Variants in TYW5 observed in about 807,000 individuals in gnomAD.
TYW5 encodes the protein tRNA wybutosine-synthesizing protein 5.
Under a neutral mutation model 44.4 loss-of-function variants are expected in TYW5, and 36 were observed. That is an observed-to-expected ratio of 0.81 (90% CI 0.62 to 1.07). The LOEUF (loss-of-function observed/expected upper bound fraction) is 1.07. Ranked by LOEUF, TYW5 falls within the 50% of genes least tolerant of loss-of-function variation. The pLI, the probability that TYW5 is intolerant of heterozygous loss-of-function variation, is 0.00. For missense variants in TYW5, 354 were observed against 365.7 expected, an observed-to-expected ratio of 0.97 and a Z score of 0.26; for synonymous variants, 121 against 128.1, an observed-to-expected ratio of 0.94 and a Z score of 0.37.
chr2:199,955,343 A>T, intron 1 of TYW5, 50 bp downstream of exon 1: 3 of 1,594,706 alleles, frequency 1.9e-6, no homozygotes, highest in Non-Finnish European at 2.6e-6. Context: ...AAAGGTAAAG[A>T]CGTGTCTCTC....
chr2:199,943,885 GTAAGAA>G (rs1288009938), intron 2 of TYW5, 51 bp from the exon 3 acceptor site: 1 of 1,387,478 alleles, frequency 7.2e-7, no homozygotes, highest in South Asian at 1.3e-5. Flanking sequence ...AGATCAACTA[GTAAGAA>G]TCTAATCACT....
At chr2:199,953,576 T>G (rs2077564871) in intron 1 of TYW5, among the ~76,000 whole-genome samples, 1 of 152,206 alleles carries the variant, frequency 6.6e-6, no homozygotes, top group Admixed American at 6.5e-5. Context: ...ACACTAAATT[T>G]CCATAGGAAT....
At chr2:199,933,934 G>A (rs1375605252) in intron 7 of TYW5, among the ~76,000 whole-genome samples, 2 of 152,074 alleles carry the variant, frequency 1.3e-5, no homozygotes, top group Non-Finnish European at 2.9e-5. Context: ...TGGAAATGAT[G>A]AGTAAACTTT....
rs769225435 is a variant in TYW5 at position 199,943,775 on chromosome 2, A to T, written c.293T>A (p.Phe98Tyr). 6.2e-7 allele frequency: 1 copy of T among 1,609,732 alleles called. No individual in the cohort carries two copies. Among genetic ancestry groups the T allele is most frequent in the Non-Finnish European group, 8.5e-7 (1 of 1,179,030 alleles). The change falls in exon 3 of 8, where the codon TTT (phenylalanine) becomes TAT (tyrosine). Residue 98 changes from phenylalanine (F) to tyrosine (Y), a missense_variant. Coordinates refer to ENST00000354611, the MANE Select transcript of TYW5 (RefSeq NM_001039693.3). ...RAAEEKHKEF[F>Y]VSEDEKYYLR... The stretch of plus-strand genomic sequence containing the variant: ...GTTAAAAGCAATTACCTCTGAAACA[A>T]AGAATTCTTTATGTTTCTCTTCAGC...
intron 2 of TYW5, chr2:199,947,188 C>G (rs2077509871): frequency 6.6e-6 from 1 of 152,178 alleles, no homozygotes; most frequent in Admixed American, 6.5e-5. Flanking sequence ...ACTTGGAAAA[C>G]TCTAATGAGA....
In TYW5 at chr2:199,933,031, C is replaced by T. The variant is rs776119813; in HGVS notation, c.*36G>A. 2 of 1,601,222 alleles carry T rather than the reference C, an allele frequency of 1.2e-6. No homozygotes were observed. The highest frequency in any genetic ancestry group is 1.1e-5 in the South Asian group (1 of 88,756). On this transcript the variant is annotated 3_prime_UTR_variant, in exon 8 of 8. Transcript: ENST00000354611. ...CTTTAATTTATATCGTTATACCTTA[C>T]TAAAGTGTTAATGTGCATTGCATTC... is the stretch of plus-strand genomic sequence containing the variant.
At chr2:199,935,872 G>A in intron 7 of TYW5, 59 bp downstream of exon 7, 1 of 1,080,936 alleles carries the variant, frequency 9.3e-7, no homozygotes, top group Non-Finnish European at 1.4e-6. Flanking sequence ...TCACATGAAG[G>A]ATGAGTGACA....
chr2:199,929,199 AG>A lies in TYW5; in HGVS notation c.*3867del, dbSNP rs1438110064. 1.8e-5 allele frequency among the ~76,000 whole-genome samples: 2 copies of A among 109,488 alleles called. No individual in the cohort carries two copies. Among genetic ancestry groups the A allele is most frequent in the Non-Finnish European group, 4.2e-5 (2 of 47,226 alleles). The allele number at this position is 109,488 out of a possible 152,430, so 71.8% of individuals were successfully genotyped here. ...AGAGACTACATCGTGGGGTTGGGGG[AG>A]GGGGAAGGGATAGCATTAGGAGATA... On this transcript the variant is annotated 3_prime_UTR_variant, in exon 8 of 8. Transcript: ENST00000354611.
chr2:199,949,638 T>A (rs2077529769), intron 1 of TYW5, among the ~76,000 whole-genome samples: 1 of 152,192 alleles, frequency 6.6e-6, no homozygotes, highest in South Asian at 2.1e-4. Context: ...GGGTTTATCT[T>A]AAGTTTCTTC....
At chr2:199,952,228 C>A (rs2077551304) in intron 1 of TYW5, among the ~76,000 whole-genome samples, 1 of 152,092 alleles carries the variant, frequency 6.6e-6, no homozygotes. Context: ...GGAGGTATAT[C>A]TCCAGAATAA....
intron 1 of TYW5, among the ~76,000 whole-genome samples, chr2:199,950,467 GAAAA>G (rs1456168549): frequency 6.6e-6 from 1 of 151,814 alleles, no homozygotes; most frequent in Non-Finnish European, 1.5e-5. Context: ...ACACAGATGA[GAAAA>G]AAAATCAATT....
intron 2 of TYW5, chr2:199,947,861 G>A (rs1404456361): frequency 1.2e-5 from 2 of 162,036 alleles, no homozygotes; most frequent in Non-Finnish European, 2.7e-5. Context: ...GGAGGCTGAG[G>A]CAGGTGGATG....
intron 1 of TYW5, among the ~76,000 whole-genome samples, chr2:199,953,477 C>T (rs1287024811): frequency 6.6e-6 from 1 of 152,196 alleles, no homozygotes; most frequent in Non-Finnish European, 1.5e-5. Context: ...GTCAATTGTG[C>T]TGTGAACCTA....
In TYW5 at chr2:199,931,003, TA is replaced by T. The variant is rs1446398946; in HGVS notation, c.*2063del. ...TCTTAACCCAGTAGGAAGAAAAGAT[TA>T]AAATATTTTGTATTTGAAATAAACA... On this transcript the variant is annotated 3_prime_UTR_variant, in exon 8 of 8. Coordinates refer to ENST00000354611, the MANE Select transcript of TYW5 (RefSeq NM_001039693.3). 6.6e-6 allele frequency: 1 copy of T among 152,204 alleles called. No homozygotes were observed. Among genetic ancestry groups the T allele is most frequent in the Non-Finnish European group, 1.5e-5 (1 of 68,036 alleles). 9.4% of individuals were successfully genotyped at this position (152,204 alleles called of 1,614,324 possible). A position where few individuals can be genotyped will look rare whatever the true frequency, so the allele number is the denominator to read the frequency against.
rs748960511 is a variant in TYW5 at position 199,948,414 on chromosome 2, A to G, written c.137T>C (p.Val46Ala). 6.2e-7 allele frequency: 1 copy of G among 1,614,190 alleles called. No individual in the cohort carries two copies. Among genetic ancestry groups the G allele is most frequent in the Non-Finnish European group, 8.5e-7 (1 of 1,180,012 alleles). ...DLGPCTSKWT[V>A]DYLSQVGGKK... ...CCCTCCAACTTGGCTTAGGTAATCC[A>G]CTGTCCATTTGCTTGTACATGGCCC... The change falls in exon 2 of 8, where the codon GTG becomes GCG. Residue 46 changes from valine (V) to alanine (A), a missense_variant. Transcript: ENST00000354611.
In TYW5 at chr2:199,930,702, C is replaced by T. The variant is rs1428536105; in HGVS notation, c.*2365G>A. On this transcript the variant is annotated 3_prime_UTR_variant, in exon 8 of 8. Coordinates refer to ENST00000354611, the MANE Select transcript of TYW5 (RefSeq NM_001039693.3). Reference sequence around the variant, plus strand: ...AATTCCTTTTTGCATCAGGTCAAGCCCCCAAACTAGCCAAAGAAAAGCTGT... The same window carrying T: ...AATTCCTTTTTGCATCAGGTCAAGCTCCCAAACTAGCCAAAGAAAAGCTGT... 2 of 152,102 alleles carry T rather than the reference C, an allele frequency of 1.3e-5. No homozygotes were observed. Among genetic ancestry groups the T allele is most frequent in the Non-Finnish European group, 2.9e-5 (2 of 68,038 alleles). The allele number at this position is 152,102 out of a possible 1,614,324, so 9.4% of individuals were successfully genotyped here. A position where few individuals can be genotyped will look rare whatever the true frequency, so the allele number is the denominator to read the frequency against.
rs2077516819 is a variant in TYW5 at position 199,948,129 on chromosome 2, A to G, written c.233+189T>C. On this transcript the variant is annotated intron_variant, in intron 2 of 7. Coordinates refer to ENST00000354611, the MANE Select transcript of TYW5 (RefSeq NM_001039693.3). The stretch of plus-strand genomic sequence containing the variant: ...AAATAAAATAAAAAATTGTCACTGT[A>G]TAATTATGTAAACTCAGAACTCTTG... 1.4e-5 allele frequency: 8 copies of G among 588,494 alleles called. No homozygotes were observed. The Admixed American group carries it at 1.6e-4, about 12-fold the overall frequency. The allele number at this position is 588,494 out of a possible 1,614,324, so 36.5% of individuals were successfully genotyped here.
chr2:199,943,913 CT>C, intron 2 of TYW5, 79 bp from the exon 3 acceptor site: 1 of 1,003,802 alleles, frequency 1.0e-6, no homozygotes, highest in Non-Finnish European at 1.5e-6. Flanking sequence ...TACATAAAGG[CT>C]TGCTGGAGTT....
chr2:199,955,014 G>A (rs2077583336), intron 1 of TYW5, among the ~76,000 whole-genome samples: 1 of 152,144 alleles, frequency 6.6e-6, no homozygotes, highest in Non-Finnish European at 1.5e-5. Context: ...TTCAAGACGA[G>A]TAGGAGTTTT....
Sources: gnomAD v4.1 joint callset for allele counts (sites outside exome capture counted in the v4.1 genomes callset) on GRCh38, gnomAD v4.1.1 for gene constraint, MANE v1.5 for transcripts, NCBI Gene and HGNC (gene_info 2026-07-23, HGNC 2026-07-21) for gene names.